Variants in SEMA3D observed in about 807,000 individuals in gnomAD.
The protein encoded by SEMA3D is semaphorin 3D.
Under a neutral mutation model 100.1 loss-of-function variants are expected in SEMA3D, and 84 were observed. The observed-to-expected ratio is 0.84, with a 90% CI of 0.70 to 1.01. The LOEUF (loss-of-function observed/expected upper bound fraction) is 1.01. Among genes scored for constraint, SEMA3D ranks in the 50% least tolerant of loss-of-function variants. The pLI is 0.00. For synonymous variants in SEMA3D, 312 were observed against 320.7 expected (o/e 0.97, Z 0.29); for missense variants, 875 against 934.1 (o/e 0.94, Z 0.82).
At chr7:85,226,273 C>T in the SEMA3D span, among the ~76,000 whole-genome samples, 1 of 152,070 alleles carries the variant, frequency 6.6e-6, no homozygotes, top group Non-Finnish European at 1.5e-5. Context: ...TCAAATGAAT[C>T]TAACACATAC....
intron 2 of SEMA3D, among the ~76,000 whole-genome samples, chr7:85,126,385 T>TGTGTGTGTGTGTGTGTGTC (rs1345264040): frequency 2.3e-4 from 26 of 115,316 alleles, no homozygotes; most frequent in Non-Finnish European, 4.0e-4. Context: ...CGTGTGTGTG[T>TGTGTGTGTGTGTGTGTGTC]GTGTGTGTGT....
At chr7:85,124,590 A>G (rs1216875911) in intron 2 of SEMA3D, among the ~76,000 whole-genome samples, 1 of 152,142 alleles carries the variant, frequency 6.6e-6, no homozygotes, top group Non-Finnish European at 1.5e-5. Flanking sequence ...TCAAAGGAGT[A>G]TCATATAGGC....
intron 12 of SEMA3D, among the ~76,000 whole-genome samples, chr7:85,025,141 T>C (rs1790358161): frequency 6.6e-6 from 1 of 152,042 alleles, no homozygotes; most frequent in African/African-American, 2.4e-5. Flanking sequence ...CACCTGAACA[T>C]ACCATACGGG....
chr7:85,242,391 C>A, the SEMA3D span, among the ~76,000 whole-genome samples: 1 of 152,186 alleles, frequency 6.6e-6, no homozygotes, highest in South Asian at 2.1e-4. Flanking sequence ...TACTTCTATA[C>A]ATTTTTTAAA....
At chr7:85,194,031 T>C in the SEMA3D span, among the ~76,000 whole-genome samples, 1 of 152,264 alleles carries the variant, frequency 6.6e-6, no homozygotes, top group East Asian at 1.9e-4. Context: ...GGTAGAGTGA[T>C]TAATTTTTGT....
At chr7:85,127,245 T>TTATTGTTTGTTTTAACC in intron 2 of SEMA3D, among the ~76,000 whole-genome samples, 1 of 152,310 alleles carries the variant, frequency 6.6e-6, no homozygotes, top group South Asian at 2.1e-4. Flanking sequence ...AAGCTATTTG[T>TTATTGTTTGTTTTAACC]CAGTAAATAT....
At chr7:85,248,492 GATA>G in the SEMA3D span, among the ~76,000 whole-genome samples, 1 of 152,136 alleles carries the variant, frequency 6.6e-6, no homozygotes, top group Non-Finnish European at 1.5e-5. Flanking sequence ...CATAGGAACT[GATA>G]ACGCATAGCC....
chr7:85,225,088 ATATATATATATATATAT>A, the SEMA3D span, among the ~76,000 whole-genome samples: 2 of 16,864 alleles, frequency 1.2e-4, no homozygotes, highest in Non-Finnish European at 2.3e-4. Context: ...ATATATATAT[ATATATATATATATATAT>A]ACATACATAT....
intron 3 of SEMA3D, among the ~76,000 whole-genome samples, chr7:85,098,427 C>T (rs1788640247): frequency 6.6e-6 from 1 of 151,750 alleles, no homozygotes; most frequent in African/African-American, 2.4e-5. Context: ...TTAATATTTG[C>T]AAATCTATAA....
intron 2 of SEMA3D, among the ~76,000 whole-genome samples, chr7:85,134,999 C>A (rs1789816425): frequency 6.6e-6 from 1 of 150,696 alleles, no homozygotes; most frequent in South Asian, 2.1e-4. Flanking sequence ...GTTTTTAGAA[C>A]CACATTTTTT....
chr7:85,248,027 T>A, the SEMA3D span, among the ~76,000 whole-genome samples: 2 of 150,778 alleles, frequency 1.3e-5, no homozygotes, highest in Admixed American at 6.6e-5. Flanking sequence ...AAAGAAAAAA[T>A]GTGAAAAGTT....
At chr7:85,069,814 G>A (rs187379102) in intron 6 of SEMA3D, among the ~76,000 whole-genome samples, 2 of 152,300 alleles carry the variant, frequency 1.3e-5, no homozygotes, top group African/African-American at 4.8e-5. Context: ...CAGAGGAAAT[G>A]ATACCAAGCC....
the SEMA3D span, among the ~76,000 whole-genome samples, chr7:85,199,106 C>T: frequency 6.6e-6 from 1 of 151,578 alleles, no homozygotes; most frequent in Non-Finnish European, 1.5e-5. Flanking sequence ...TTTTTAATGT[C>T]TAGTTTTTAA....
intron 2 of SEMA3D, among the ~76,000 whole-genome samples, chr7:85,135,680 TAAAC>T (rs1034990185): frequency 6.9e-6 from 1 of 144,090 alleles, no homozygotes; most frequent in Non-Finnish European, 1.5e-5. Flanking sequence ...AATAAATAAA[TAAAC>T]ATTAAAAAAG....
chr7:85,126,484 A>G (rs1007776208), intron 2 of SEMA3D, among the ~76,000 whole-genome samples: 1 of 151,424 alleles, frequency 6.6e-6, no homozygotes, highest in Non-Finnish European at 1.5e-5. Flanking sequence ...TTAATTTTAT[A>G]AAGAGCTCTT....
intron 1 of SEMA3D, among the ~76,000 whole-genome samples, chr7:85,180,571 A>G (rs1791374029): frequency 6.6e-6 from 1 of 152,242 alleles, no homozygotes; most frequent in South Asian, 2.1e-4. Flanking sequence ...TTAAATTTAC[A>G]GAAACATTGA....
At chr7:85,036,814 A>G in intron 12 of SEMA3D, 75 bp downstream of exon 12, 1 of 1,220,360 alleles carries the variant, frequency 8.2e-7, no homozygotes, top group Non-Finnish European at 1.1e-6. Flanking sequence ...GGTGAATAGC[A>G]GAATTTATTA....
At chr7:85,194,426 G>A in the SEMA3D span, among the ~76,000 whole-genome samples, 10 of 151,970 alleles carry the variant, frequency 6.6e-5, no homozygotes, top group East Asian at 3.9e-4. Flanking sequence ...GTTGGATTTC[G>A]TCTAATCCAT....
intron 9 of SEMA3D, among the ~76,000 whole-genome samples, chr7:85,045,114 G>A (rs1790971524): frequency 6.6e-6 from 1 of 151,996 alleles, no homozygotes; most frequent in Non-Finnish European, 1.5e-5. Flanking sequence ...TACAATAATA[G>A]ATGGGACCAA....
Sources: allele counts gnomAD v4.1 joint callset (sites outside exome capture counted in the v4.1 genomes callset), GRCh38; gene constraint gnomAD v4.1.1; transcripts MANE v1.5; gene names NCBI Gene and HGNC (gene_info 2026-07-23, HGNC 2026-07-21).